SLC12A6: variants seen among roughly 807,000 people sequenced by gnomAD.
SLC12A6 encodes the protein solute carrier family 12 member 6, also known as K-Cl cotransporter 3.
A neutral mutation model predicts 135.3 loss-of-function variants in SLC12A6; 66 were observed. The observed-to-expected ratio is 0.49, with a 90% CI of 0.40 to 0.60. SLC12A6 has a LOEUF of 0.60. SLC12A6 is among the 20% of genes least tolerant of loss of function. The probability of loss-of-function intolerance (pLI) is 0.00; values close to 1 mark genes in which losing one functional copy is unlikely to be tolerated. For synonymous variants in SLC12A6, 513 were observed against 508.8 expected, an observed-to-expected ratio of 1.01 and a Z score of -0.11; for missense variants, 1,058 against 1,452.3, an observed-to-expected ratio of 0.73 and a Z score of 4.41.
At chr15:34,335,281 C>G (rs974008348) in intron 2 of SLC12A6, among the ~76,000 whole-genome samples, 1 of 152,156 alleles carries the variant, frequency 6.6e-6, no homozygotes, top group Non-Finnish European at 1.5e-5. Flanking sequence ...GGACTGTAAA[C>G]TTTACCAAAT....
intron 2 of SLC12A6, among the ~76,000 whole-genome samples, chr15:34,302,357 C>T (rs1248389114): frequency 6.6e-6 from 1 of 152,150 alleles, no homozygotes; most frequent in Non-Finnish European, 1.5e-5. Flanking sequence ...GAGGATGGAT[C>T]TTGAGGCTGT....
rs1018424714 is a variant in SLC12A6, at chr15:34,233,733, A to G, written c.*148T>C. 1 of 693,366 alleles carries G rather than the reference A, an allele frequency of 1.4e-6. No individual in the cohort carries two copies. Among genetic ancestry groups the G allele is most frequent in the Non-Finnish European group, 2.7e-6 (1 of 372,138 alleles). The allele number at this position is 693,366 out of a possible 1,614,324, so 43.0% of individuals were successfully genotyped here. A position where few individuals can be genotyped will look rare whatever the true frequency, so the allele number is the denominator to read the frequency against. On this transcript the variant is annotated 3_prime_UTR_variant, in exon 26 of 26. Transcript: ENST00000354181. The stretch of plus-strand genomic sequence containing the variant: ...CAGATGGGAGCTCTTTTACACAGGT[A>G]CTTGAGGCTCAGCTCATCAAGAGTT...
At chr15:34,266,248 C>A (rs1893511559) in intron 3 of SLC12A6, among the ~76,000 whole-genome samples, 1 of 151,634 alleles carries the variant, frequency 6.6e-6, no homozygotes, top group South Asian at 2.1e-4. Context: ...ATATATCAGG[C>A]AAATACTAAC....
chr15:34,238,830 TAGTTTTTC>T (rs1259294474), intron 20 of SLC12A6, 127 bp downstream of exon 20: 1 of 807,316 alleles, frequency 1.2e-6, no homozygotes, highest in Non-Finnish European at 2.2e-6. Flanking sequence ...TTACTACCAA[TAGTTTTTC>T]AGGTTGCCTT....
chr15:34,235,396 C>T, intron 24 of SLC12A6, 82 bp from the exon 25 acceptor site: 1 of 1,065,012 alleles, frequency 9.4e-7, no homozygotes, highest in Non-Finnish European at 1.4e-6. Flanking sequence ...AGATCCTGAG[C>T]TTTTTCACTT....
rs2140625690 is a variant in SLC12A6, at chr15:34,233,643, T to C, written c.*238A>G. Reference sequence around the variant, plus strand: ...TTGCCTTTGACTGCTCAGACGTGGCTTGAAAGACTTGAGCATTGTTCTGAT... The same window carrying C: ...TTGCCTTTGACTGCTCAGACGTGGCCTGAAAGACTTGAGCATTGTTCTGAT... On this transcript the variant is annotated 3_prime_UTR_variant, in exon 26 of 26. Coordinates refer to ENST00000354181, the MANE Select transcript of SLC12A6 (RefSeq NM_001365088.1). 2.0e-6 allele frequency: 1 copy of C among 496,588 alleles called. No homozygotes were observed. Among genetic ancestry groups the C allele is most frequent in the Admixed American group, 3.2e-5 (1 of 31,284 alleles). The allele number at this position is 496,588 out of a possible 1,614,324, so 30.8% of individuals were successfully genotyped here. A position where few individuals can be genotyped will look rare whatever the true frequency, so the allele number is the denominator to read the frequency against.
intron 2 of SLC12A6, among the ~76,000 whole-genome samples, chr15:34,291,919 G>C (rs1283123348): frequency 6.6e-6 from 1 of 152,034 alleles, no homozygotes; most frequent in Non-Finnish European, 1.5e-5. Flanking sequence ...TCCTTGCAAT[G>C]GGTGAGAACA....
chr15:34,271,393 TC>T (rs1893931302), intron 3 of SLC12A6, among the ~76,000 whole-genome samples: 1 of 150,756 alleles, frequency 6.6e-6, no homozygotes, highest in Non-Finnish European at 1.5e-5. Flanking sequence ...TTTTTTAATC[TC>T]ATGTTGCCAT....
At chr15:34,239,994 CA>C in intron 19 of SLC12A6, among the ~76,000 whole-genome samples, 1 of 151,894 alleles carries the variant, frequency 6.6e-6, no homozygotes, top group East Asian at 1.9e-4. Flanking sequence ...TACATGTGCA[CA>C]ACGTGCAGGT....
At position 34,257,740 on chromosome 15, in the gene SLC12A6, T is replaced by G. The variant is rs1892850223; in HGVS notation, c.592A>C (p.Asn198His). ...AAAAAAAGGATCACTCCAAAAATATTTTGTAGACATGGGAGGTAGACACCC... is the reference window on the plus strand; with the variant it reads ...AAAAAAAGGATCACTCCAAAAATATGTTGTAGACATGGGAGGTAGACACCC... Reference protein sequence around the residue: ...FMGVYLPCLQNIFGVILFLRL... With the variant: ...FMGVYLPCLQHIFGVILFLRL... Residue 198 changes from asparagine (N) to histidine (H), a missense_variant, in exon 6 of 26, where the codon AAT becomes CAT. By Grantham distance (68) the Asn-to-His change is moderately conservative. This residue lies in a region of SLC12A6 where 139 missense variants were observed against 202.2 expected (regional missense o/e 0.69). Transcript: ENST00000354181. The G allele has an allele frequency of 1.2e-6, 2 of 1,610,236 alleles. No homozygotes were observed. The highest frequency in any genetic ancestry group is 2.2e-5 in the East Asian group (1 of 44,846).
chr15:34,242,455 T>G (rs1471955230), intron 16 of SLC12A6, among the ~76,000 whole-genome samples: 1 of 152,218 alleles, frequency 6.6e-6, no homozygotes, highest in African/African-American at 2.4e-5. Context: ...TTATTCTCAA[T>G]TCTATAGTTG....
Position 34,230,271 on chromosome 15 carries a change from A to C in SLC12A6, c.*3610T>G, listed in dbSNP as rs1051786171. On this transcript the variant is annotated 3_prime_UTR_variant, in exon 26 of 26. Coordinates refer to ENST00000354181, the MANE Select transcript of SLC12A6 (RefSeq NM_001365088.1). Reference sequence around the variant, plus strand: ...GATGTGAGAAACTAATGCTGAATTCAGCTTATACATGATGAAAAGAAAAAC... The same window carrying C: ...GATGTGAGAAACTAATGCTGAATTCCGCTTATACATGATGAAAAGAAAAAC... 1 of 158,606 alleles carries C rather than the reference A, an allele frequency of 6.3e-6. No individual in the cohort carries two copies. The highest frequency in any genetic ancestry group is 2.4e-5 in the African/African-American group (1 of 41,566). The allele number at this position is 158,606 out of a possible 1,614,324, so 9.8% of individuals were successfully genotyped here. A position where few individuals can be genotyped will look rare whatever the true frequency, so the allele number is the denominator to read the frequency against.
chr15:34,272,736 G>C (rs1812310916), intron 3 of SLC12A6, among the ~76,000 whole-genome samples: 1 of 152,112 alleles, frequency 6.6e-6, no homozygotes, highest in Non-Finnish European at 1.5e-5. Context: ...AGTTCCCCAG[G>C]TATCCTTTAC....
chr15:34,235,045 G>C, intron 25 of SLC12A6, 136 bp downstream of exon 25: 1 of 839,750 alleles, frequency 1.2e-6, no homozygotes, highest in South Asian at 1.4e-5. Context: ...AAAAATCCTT[G>C]CCTAGGACTT....
rs1566822517 is a variant in SLC12A6 at position 34,262,409 on chromosome 15, GCCCTCCTCA to G, written c.317-1398_317-1390del. On this transcript the variant is annotated intron_variant, in intron 3 of 25. Transcript: ENST00000354181. ...TCATCATTCAATAAAATTATTCTCC[GCCCTCCTCA>G]CCCTTTGATATCAGCACAACCTCAT... Among the ~76,000 whole-genome samples, 3 of 151,622 alleles carry G rather than the reference GCCCTCCTCA, an allele frequency of 2.0e-5. No individual in the cohort carries two copies. In the South Asian group the frequency reaches 6.2e-4, roughly 31 times the overall value.
At chr15:34,305,956 T>C (rs1205344535) in intron 2 of SLC12A6, among the ~76,000 whole-genome samples, 1 of 151,958 alleles carries the variant, frequency 6.6e-6, no homozygotes, top group Non-Finnish European at 1.5e-5. Context: ...AGAGATGGGG[T>C]TTCCCCATGT....
intron 2 of SLC12A6, among the ~76,000 whole-genome samples, chr15:34,317,957 CT>C (rs1016910285): frequency 1.3e-5 from 2 of 152,128 alleles, no homozygotes; most frequent in Non-Finnish European, 2.9e-5. Flanking sequence ...TCATCAAATA[CT>C]TTTTTTAACC....
At chr15:34,306,284 C>A (rs1896607626) in intron 2 of SLC12A6, among the ~76,000 whole-genome samples, 1 of 152,198 alleles carries the variant, frequency 6.6e-6, no homozygotes, top group South Asian at 2.1e-4. Context: ...GGCAAGCCAC[C>A]AGCCCTTGTG....
At position 34,257,786 on chromosome 15, in the gene SLC12A6, G is replaced by A. The variant is rs775527538; in HGVS notation, c.546C>T (p.Thr182=). 1.6e-5 allele frequency: 25 copies of A among 1,600,088 alleles called. No homozygotes were observed. The Admixed American group carries it at 4.0e-4, about 26-fold the overall frequency. Residue 182 remains threonine (T), a splice_region_variant and synonymous_variant, in exon 6 of 26, where the codon ACC becomes ACT. Transcript: ENST00000354181. ...ITEGKKKPTK[T]PQMGTFMGVY... ...CACCCATGAAGGTACCCATTTGGGG[G>A]GTCTAGAAAGAAAGACATTGATAAA...
Sources: allele counts gnomAD v4.1 joint callset (sites outside exome capture counted in the v4.1 genomes callset), GRCh38; gene constraint gnomAD v4.1.1; regional missense constraint gnomAD v4.1.1; transcripts MANE v1.5; gene names NCBI Gene and HGNC (gene_info 2026-07-23, HGNC 2026-07-21).